CAMK1D: variants seen among roughly 807,000 people sequenced by gnomAD.
The protein encoded by CAMK1D is calcium/calmodulin dependent protein kinase ID, also known as calcium/calmodulin-dependent protein kinase type 1D.
In CAMK1D, 9 loss-of-function variants were observed where a neutral mutation model predicts 47.7. That is an observed-to-expected ratio of 0.19 (90% CI 0.11 to 0.33). The LOEUF (loss-of-function observed/expected upper bound fraction) is 0.33. Among genes scored for constraint, CAMK1D ranks in the 10% least tolerant of loss-of-function variants. CAMK1D has a pLI of 1.00. For missense variants in CAMK1D, 291 were observed against 488.7 expected (o/e 0.60, Z 3.81); for synonymous variants, 184 against 184.9 (o/e 0.99, Z 0.04).
intron 1 of CAMK1D, among the ~76,000 whole-genome samples, chr10:12,509,848 C>T (rs944480476): frequency 6.6e-6 from 1 of 152,156 alleles, no homozygotes; most frequent in Non-Finnish European, 1.5e-5. Context: ...CTCAGTTCAC[C>T]CAGGACATCA....
intron 5 of CAMK1D, among the ~76,000 whole-genome samples, chr10:12,771,042 G>T (rs1339495820): frequency 6.6e-6 from 1 of 152,068 alleles, no homozygotes; most frequent in African/African-American, 2.4e-5. Flanking sequence ...TGGTTCTCCT[G>T]CCTCAGCCTC....
rs776388075 is a variant in CAMK1D at position 12,666,818 on chromosome 10, C to G, written c.299+8C>G. On this transcript the variant is annotated splice_region_variant and intron_variant, in intron 3 of 10. Coordinates refer to ENST00000619168, the MANE Select transcript of CAMK1D (RefSeq NM_153498.4). ...GTACTTGGTCATGCAGCTGTAAGTA[C>G]CTTGTTTGATTGATGAGTTTTGAAC... The G allele has an allele frequency of 6.2e-7, 1 of 1,608,524 alleles. No homozygotes were observed. Among genetic ancestry groups the G allele is most frequent in the African/African-American group, 1.3e-5 (1 of 74,734 alleles).
At chr10:12,534,279 G>A (rs770947772) in intron 1 of CAMK1D, among the ~76,000 whole-genome samples, 25 of 152,122 alleles carry the variant, frequency 1.6e-4, no homozygotes, top group Non-Finnish European at 3.2e-4. Flanking sequence ...GCGCAATCTC[G>A]GCTCACTGCA....
chr10:12,807,154 C>G (rs1050326745), intron 6 of CAMK1D, among the ~76,000 whole-genome samples: 1 of 152,228 alleles, frequency 6.6e-6, no homozygotes, highest in Non-Finnish European at 1.5e-5. Context: ...TGCTGGCTAC[C>G]TTCACCTGAA....
chr10:12,731,915 G>A (rs2130813748), intron 3 of CAMK1D, among the ~76,000 whole-genome samples: 1 of 152,238 alleles, frequency 6.6e-6, no homozygotes, highest in African/African-American at 2.4e-5. Flanking sequence ...ATGGACGATG[G>A]GGTAGGGAGG....
At chr10:12,427,215 A>T (rs941293783) in intron 1 of CAMK1D, among the ~76,000 whole-genome samples, 2 of 152,166 alleles carry the variant, frequency 1.3e-5, no homozygotes, top group African/African-American at 4.8e-5. Context: ...GTGAAGATGA[A>T]GATACTTTGA....
chr10:12,378,781 G>A (rs1294146602), intron 1 of CAMK1D, among the ~76,000 whole-genome samples: 1 of 150,784 alleles, frequency 6.6e-6, no homozygotes, highest in Non-Finnish European at 1.5e-5. Context: ...CTCTATCCAA[G>A]TGTGAGCATG....
At chr10:12,812,581 G>A (rs563714463) in intron 6 of CAMK1D, among the ~76,000 whole-genome samples, 3 of 152,222 alleles carry the variant, frequency 2.0e-5, no homozygotes, top group Admixed American at 6.5e-5. Context: ...ACGCCATTGT[G>A]CTCCAGCCTG....
chr10:12,417,400 G>A (rs1304327670), intron 1 of CAMK1D, among the ~76,000 whole-genome samples: 1 of 152,220 alleles, frequency 6.6e-6, no homozygotes, highest in African/African-American at 2.4e-5. Context: ...GGATACTGCT[G>A]TGCCAGAGAA....
In CAMK1D at chr10:12,673,321, A is replaced by G. The variant is rs377006342; in HGVS notation, c.299+6511A>G. Among the ~76,000 whole-genome samples the G allele has an allele frequency of 5.9e-5, 9 of 152,196 alleles. No homozygotes were observed. The East Asian group carries it at 1.7e-3, about 29-fold the overall frequency. On this transcript the variant is annotated intron_variant, in intron 3 of 10. Transcript: ENST00000619168. ...TGTTTTCATTTTATTTAGGTTTTTT[A>G]TTGCTCTCAGTGACATTTTATAGTT... is the stretch of plus-strand genomic sequence containing the variant.
chr10:12,806,573 C>T (rs1469550053), intron 6 of CAMK1D, among the ~76,000 whole-genome samples: 1 of 152,220 alleles, frequency 6.6e-6, no homozygotes, highest in African/African-American at 2.4e-5. Context: ...CCTTTTGCAG[C>T]TCTGCAGCCC....
intron 2 of CAMK1D, among the ~76,000 whole-genome samples, chr10:12,582,830 TG>T (rs1443998055): frequency 1.3e-5 from 2 of 152,230 alleles, no homozygotes; most frequent in African/African-American, 4.8e-5. Context: ...GTGAAGACAG[TG>T]AGTCCCAGGA....
At chr10:12,650,123 C>T (rs1008607758) in intron 2 of CAMK1D, among the ~76,000 whole-genome samples, 2 of 152,250 alleles carry the variant, frequency 1.3e-5, no homozygotes, top group African/African-American at 2.4e-5. Context: ...CCCTCCTCTA[C>T]CCTTGGAGGG....
At chr10:12,816,373 T>C (rs1644417) in intron 8 of CAMK1D, 45 bp downstream of exon 8, 112,259 of 1,506,776 alleles carry the variant, frequency 0.075, 16,227 homozygotes, top group African/African-American at 0.51. Flanking sequence ...TTTAATGCCA[T>C]CTGGGGGGGG....
intron 6 of CAMK1D, among the ~76,000 whole-genome samples, chr10:12,800,374 A>G (rs1838372961): frequency 6.6e-6 from 1 of 152,244 alleles, no homozygotes; most frequent in African/African-American, 2.4e-5. Context: ...AGTCTGTCAT[A>G]TTATACAGAG....
At chr10:12,508,451 A>G (rs74227223) in intron 1 of CAMK1D, among the ~76,000 whole-genome samples, 1,971 of 152,346 alleles carry the variant, frequency 0.013, 39 homozygotes, top group East Asian at 0.073. Flanking sequence ...AGAATAGACA[A>G]CTTCACAGTA....
intron 3 of CAMK1D, among the ~76,000 whole-genome samples, chr10:12,738,631 G>A (rs1280797849): frequency 2.6e-5 from 4 of 151,936 alleles, no homozygotes; most frequent in Non-Finnish European, 5.9e-5. Flanking sequence ...AGGAGATCGA[G>A]ACCATCCTGG....
chr10:12,717,722 C>CA (rs1431933436), intron 3 of CAMK1D, among the ~76,000 whole-genome samples: 2 of 63,224 alleles, frequency 3.2e-5, no homozygotes, highest in East Asian at 9.9e-4. Context: ...TTTGTCTCTA[C>CA]AAAAAATTGA....
At chr10:12,508,347 T>C (rs1834941086) in intron 1 of CAMK1D, among the ~76,000 whole-genome samples, 1 of 152,254 alleles carries the variant, frequency 6.6e-6, no homozygotes, top group Non-Finnish European at 1.5e-5. Context: ...TTCTGACCCA[T>C]GCTGCTGCAT....
Sources: allele counts gnomAD v4.1 joint callset (sites outside exome capture counted in the v4.1 genomes callset), GRCh38; gene constraint gnomAD v4.1.1; transcripts MANE v1.5; gene names NCBI Gene and HGNC (gene_info 2026-07-23, HGNC 2026-07-21).